The following CNTN6 variants were observed in gnomAD, a reference collection of about 807,000 sequenced individuals.
The protein encoded by CNTN6 is contactin 6.
CNTN6 carries 137 observed loss-of-function variants against 122.8 expected under a neutral mutation model. That is an observed-to-expected ratio of 1.12 (90% CI 0.97 to 1.29). The LOEUF is 1.29. Among genes scored for constraint, CNTN6 ranks in the 50% most tolerant of loss-of-function variants. The pLI is 0.00. For synonymous variants in CNTN6, 570 were observed against 426.0 expected (o/e 1.34, Z -4.16); for missense variants, 1,634 against 1,223.4 (o/e 1.34, Z -5.01).
intron 12 of CNTN6, among the ~76,000 whole-genome samples, chr3:1,371,183 ATC>A (rs1708962567): frequency 6.6e-6 from 1 of 152,168 alleles, no homozygotes; most frequent in African/African-American, 2.4e-5. Context: ...TATAAATGCA[ATC>A]TCAATGTTAG....
Position 1,122,896 on chromosome 3 carries a change from G to A in CNTN6, c.-82-25031G>A, listed in dbSNP as rs748832725. On this transcript the variant is annotated intron_variant, in intron 1 of 22. Transcript: ENST00000446702. ...GGCTATTTTGAATGTGCTACTATAA[G>A]CATGTGTGTACAGGTACTTGTTTGA... Among the ~76,000 whole-genome samples the A allele has an allele frequency of 6.9e-4, 105 of 151,814 alleles. 2 individuals carry two copies. The highest frequency in any genetic ancestry group is 1.3e-3 in the Non-Finnish European group (88 of 67,874).
At chr3:1,302,766 T>A (rs560722294) in intron 7 of CNTN6, among the ~76,000 whole-genome samples, 1 of 152,302 alleles carries the variant, frequency 6.6e-6, no homozygotes, top group East Asian at 1.9e-4. Context: ...TTGCTTTGTT[T>A]TCTCTGAAAT....
At position 1,201,557 on chromosome 3, in the gene CNTN6, G is replaced by A. The variant is rs796515518; in HGVS notation, c.56-19130G>A. On this transcript the variant is annotated intron_variant, in intron 2 of 22. Coordinates refer to ENST00000446702, the MANE Select transcript of CNTN6 (RefSeq NM_001289080.2). ...ACACTCCCTGAACCTCACAAGATTC[G>A]ATTAGATAAAATTAGCTGTAACTAT... 2.6e-5 allele frequency among the ~76,000 whole-genome samples: 4 copies of A among 152,174 alleles called. 1 individual carries two copies. In the South Asian group the frequency reaches 8.3e-4, roughly 32 times the overall value.
intron 4 of CNTN6, among the ~76,000 whole-genome samples, chr3:1,257,352 T>A (rs2094776203): frequency 6.6e-6 from 1 of 152,152 alleles, no homozygotes; most frequent in Admixed American, 6.6e-5. Context: ...AAGAAATTGT[T>A]TTGTAATTCA....
chr3:1,136,454 CCT>C (rs2092475935), intron 1 of CNTN6, among the ~76,000 whole-genome samples: 1 of 152,100 alleles, frequency 6.6e-6, no homozygotes, highest in Non-Finnish European at 1.5e-5. Context: ...AGGCTATACC[CCT>C]GTCTTCAAGT....
chr3:1,340,276 C>A (rs898673070), intron 11 of CNTN6, among the ~76,000 whole-genome samples: 6 of 151,858 alleles, frequency 4.0e-5, no homozygotes, highest in Non-Finnish European at 5.9e-5. Flanking sequence ...TTTTTTGTTT[C>A]TTCAGAGTTA....
chr3:1,271,594 AT>A (rs1289353150), intron 4 of CNTN6, among the ~76,000 whole-genome samples: 2 of 152,176 alleles, frequency 1.3e-5, no homozygotes, highest in Non-Finnish European at 2.9e-5. Context: ...TCACATGCAG[AT>A]ACAGGGAGAG....
At chr3:1,399,964 G>C (rs1046100875) in intron 20 of CNTN6, among the ~76,000 whole-genome samples, 1 of 152,090 alleles carries the variant, frequency 6.6e-6, no homozygotes, top group Non-Finnish European at 1.5e-5. Flanking sequence ...GTGATTGAGT[G>C]AACAATAGTG....
chr3:1,303,690 C>T (rs1364368426), intron 7 of CNTN6, among the ~76,000 whole-genome samples: 1 of 152,074 alleles, frequency 6.6e-6, no homozygotes, highest in Non-Finnish European at 1.5e-5. Context: ...TCACAGTTCT[C>T]ATTTTTTTGC....
chr3:1,215,847 T>A (rs750755530), intron 2 of CNTN6, among the ~76,000 whole-genome samples: 6 of 152,030 alleles, frequency 3.9e-5, no homozygotes, highest in Non-Finnish European at 8.8e-5. Flanking sequence ...ATTTTTTTTC[T>A]CCTTCTTAGC....
At chr3:1,150,986 T>C (rs1341810679) in intron 2 of CNTN6, among the ~76,000 whole-genome samples, 1 of 152,122 alleles carries the variant, frequency 6.6e-6, no homozygotes, top group African/African-American at 2.4e-5. Flanking sequence ...AAGGAAGCTC[T>C]AGATGCTGGG....
intron 2 of CNTN6, among the ~76,000 whole-genome samples, chr3:1,168,057 G>A (rs1023035305): frequency 7.9e-5 from 12 of 152,058 alleles, no homozygotes; most frequent in East Asian, 3.9e-4. Context: ...AGAGGTGCAC[G>A]CCACCACGCC....
At chr3:1,277,514 C>A (rs900280557) in intron 4 of CNTN6, among the ~76,000 whole-genome samples, 2 of 151,720 alleles carry the variant, frequency 1.3e-5, no homozygotes, top group Non-Finnish European at 1.5e-5. Context: ...GCGTGTGCCA[C>A]CATGCCTGGC....
intron 4 of CNTN6, among the ~76,000 whole-genome samples, chr3:1,253,890 T>C (rs770637692): frequency 2.6e-5 from 4 of 152,180 alleles, no homozygotes; most frequent in Admixed American, 6.5e-5. Flanking sequence ...TCTTTGTCTC[T>C]CTTTATCCAA....
intron 11 of CNTN6, among the ~76,000 whole-genome samples, chr3:1,331,422 A>G (rs1162548631): frequency 6.6e-6 from 1 of 152,034 alleles, no homozygotes; most frequent in Non-Finnish European, 1.5e-5. Flanking sequence ...CCCTCAAGAC[A>G]TAGGAACAGG....
At chr3:1,401,322 C>T in intron 20 of CNTN6, 111 bp from the exon 21 acceptor site, 1 of 788,088 alleles carries the variant, frequency 1.3e-6, no homozygotes, top group South Asian at 1.6e-5. Flanking sequence ...GACATTTTAG[C>T]TCCTTCTATG....
At chr3:1,203,608 C>A (rs925684527) in intron 2 of CNTN6, among the ~76,000 whole-genome samples, 1 of 152,166 alleles carries the variant, frequency 6.6e-6, no homozygotes, top group Non-Finnish European at 1.5e-5. Flanking sequence ...GCGTTGATTT[C>A]ATGAAGATAT....
In CNTN6 at chr3:1,325,894, T is replaced by C. The variant is rs1336597179; in HGVS notation, c.1026T>C (p.Ser342=). Residue 342 remains serine, a synonymous_variant, in exon 9 of 23, where the codon AGT becomes AGC. Coordinates refer to ENST00000446702, the MANE Select transcript of CNTN6 (RefSeq NM_001289080.2). ...YDNLLWECKA[S]GKPNPWYTWL... ...ACTTGCTCTGGGAATGTAAAGCTAG[T>C]GGAAAGCCAAACCCTTGGTATACAT... is the stretch of plus-strand genomic sequence containing the variant. 4 of 1,611,868 alleles carry C rather than the reference T, an allele frequency of 2.5e-6. No homozygotes were observed. In the Admixed American group the frequency reaches 5.0e-5, roughly 20 times the overall value.
At chr3:1,271,061 A>G (rs1342869732) in intron 4 of CNTN6, among the ~76,000 whole-genome samples, 1 of 152,110 alleles carries the variant, frequency 6.6e-6, no homozygotes, top group Non-Finnish European at 1.5e-5. Context: ...TATTTTTAGT[A>G]GAGACAGGGT....
Sources: allele counts gnomAD v4.1 joint callset (sites outside exome capture counted in the v4.1 genomes callset), GRCh38; gene constraint gnomAD v4.1.1; transcripts MANE v1.5; gene names NCBI Gene and HGNC (gene_info 2026-07-23, HGNC 2026-07-21).